The following WASHC5 variants were observed in gnomAD, a reference collection of about 807,000 sequenced individuals.
WASHC5 encodes the protein WASH complex subunit strumpellin.
WASHC5 carries 101 observed loss-of-function variants against 150.4 expected under a neutral mutation model. The ratio of observed to expected loss-of-function variants is 0.67; its 90% CI spans 0.57 to 0.79. The LOEUF is 0.79. WASHC5 is among the 30% of genes least tolerant of loss of function. The pLI, the probability that WASHC5 is intolerant of heterozygous loss-of-function variation, is 0.00. For missense variants in WASHC5, 1,195 were observed against 1,396.3 expected (o/e 0.86, Z 2.30); for synonymous variants, 467 against 491.2 (o/e 0.95, Z 0.65).
chr8:125,057,778 G>GCAACAACCACCAAATCTCATCAATAT (rs3834883), intron 14 of WASHC5, 112 bp from the exon 15 acceptor site: 1 of 749,274 alleles, frequency 1.3e-6, no homozygotes, highest in African/African-American at 1.8e-5. Flanking sequence ...CCAACAGAGG[G>GCAACAACCACCAAATCTCATCAATAT]CATTAATAGT....
chr8:125,045,986 A>T (rs945731117), intron 20 of WASHC5, among the ~76,000 whole-genome samples: 1 of 152,222 alleles, frequency 6.6e-6, no homozygotes, highest in Non-Finnish European at 1.5e-5. Flanking sequence ...CCATGAGTCA[A>T]AATTCCTTAT....
chr8:125,080,666 G>A (rs1035088018), intron 5 of WASHC5, among the ~76,000 whole-genome samples: 1 of 152,126 alleles, frequency 6.6e-6, no homozygotes, highest in Non-Finnish European at 1.5e-5. Flanking sequence ...ACATTGACCT[G>A]GTATTCCATT....
In WASHC5 at chr8:125,083,797, C is replaced by T. The variant is rs771637461; in HGVS notation, c.102G>A (p.Glu34=). 3 of 1,613,734 alleles carry T rather than the reference C, an allele frequency of 1.9e-6. No homozygotes were observed. Among genetic ancestry groups the T allele is most frequent in the Non-Finnish European group, 2.5e-6 (3 of 1,179,798 alleles). Residue 34 remains glutamate (E), a synonymous_variant, in exon 2 of 29, where the codon GAG becomes GAA. Transcript: ENST00000318410. ...TTAACCTGAACACAGCAGGAATAAA[C>T]TCAGAGAGTCTCAAAAGTTCAGCAA... ...AIIAELLRLS[E]FIPAVFRLKD...
chr8:125,067,500 G>T (rs1816777265), intron 10 of WASHC5, 92 bp downstream of exon 10: 3 of 1,085,696 alleles, frequency 2.8e-6, no homozygotes, highest in South Asian at 1.3e-5. Context: ...TTGAATCAGA[G>T]ACAGAGCAAG....
intron 27 of WASHC5, among the ~76,000 whole-genome samples, chr8:125,029,388 C>T (rs778279901): frequency 2.1e-4 from 32 of 152,170 alleles, no homozygotes; most frequent in Non-Finnish European, 4.3e-4. Flanking sequence ...AGCTTGGGTA[C>T]TTCTCCTGTG....
At chr8:125,069,887 C>T (rs1021903472) in intron 9 of WASHC5, among the ~76,000 whole-genome samples, 1 of 152,178 alleles carries the variant, frequency 6.6e-6, no homozygotes, top group African/African-American at 2.4e-5. Context: ...TAGAAATCTC[C>T]TGATTTTAAT....
chr8:125,091,589 G>C (rs1817647723), intron 1 of WASHC5, 26 bp downstream of exon 1: 1 of 152,442 alleles, frequency 6.6e-6, no homozygotes, highest in African/African-American at 2.4e-5. Flanking sequence ...GCAAAAATGG[G>C]GCGCGCTCAC....
intron 5 of WASHC5, 111 bp from the exon 6 acceptor site, chr8:125,079,041 T>C: frequency 1.2e-6 from 1 of 839,966 alleles, no homozygotes; most frequent in Admixed American, 1.9e-5. Flanking sequence ...GTTTCAGATA[T>C]GATCACAGGT....
intron 20 of WASHC5, 26 bp downstream of exon 20, chr8:125,047,181 G>A: frequency 6.2e-7 from 1 of 1,613,534 alleles, no homozygotes; most frequent in Non-Finnish European, 8.5e-7. Context: ...AGTATTCAGG[G>A]CTCTGTAGAA....
chr8:125,065,522 A>G (rs180721124), intron 10 of WASHC5, among the ~76,000 whole-genome samples: 30 of 151,802 alleles, frequency 2.0e-4, no homozygotes, highest in Non-Finnish European at 4.0e-4. Context: ...CCTGATTTCC[A>G]CTCAACAATG....
chr8:125,067,552 A>G (rs769365705), intron 10 of WASHC5, 40 bp downstream of exon 10: 1 of 1,546,888 alleles, frequency 6.5e-7, no homozygotes, highest in Non-Finnish European at 8.9e-7. Flanking sequence ...TAAGCATAAA[A>G]AAGCTAAGAC....
At chr8:125,080,056 G>T (rs372112515) in intron 5 of WASHC5, among the ~76,000 whole-genome samples, 1 of 152,044 alleles carries the variant, frequency 6.6e-6, no homozygotes, top group Non-Finnish European at 1.5e-5. Flanking sequence ...TGATTTTTCC[G>T]GGTGGAATAG....
Position 125,067,679 on chromosome 8 carries a change from G to A in WASHC5, c.1191C>T (p.Asp397=). ...PNNKRLRQIK[D]QILTDSRYNP... is the part of the protein sequence containing the mutation. ...TGTACCGAGAGTCTGTTAGAATCTG[G>A]TCCTTGATTTGACGAAGGCGTTTGT... The change falls in exon 10 of 29, where the codon GAC becomes GAT. Residue 397 remains aspartate (D), a synonymous_variant. Transcript: ENST00000318410. The A allele has an allele frequency of 6.2e-7, 1 of 1,613,866 alleles. No homozygotes were observed. The highest frequency in any genetic ancestry group is 8.5e-7 in the Non-Finnish European group (1 of 1,179,822).
Position 125,044,689 on chromosome 8 carries a change from A to T in WASHC5, c.2514T>A (p.Cys838Ter). 1 of 1,614,030 alleles carries T rather than the reference A, an allele frequency of 6.2e-7. No individual in the cohort carries two copies. Among genetic ancestry groups the T allele is most frequent in the Non-Finnish European group, 8.5e-7 (1 of 1,179,936 alleles). Residue 838 changes from cysteine (C) to a stop codon, truncating the protein, a stop_gained, in exon 21 of 29, where the codon TGT becomes TGA. Coordinates refer to ENST00000318410, the MANE Select transcript of WASHC5 (RefSeq NM_014846.4). LOFTEE classifies it high-confidence loss of function. ...ILRITDPKMTCHIDQLNTWYD... is the reference protein window; with the variant it reads ...ILRITDPKMT ...ACCAAGTGTTCAGCTGGTCTATGTG[A>T]CATGTCATTCTAAAATGAAAACAAT...
At chr8:125,070,799 T>C (rs955622561) in intron 9 of WASHC5, among the ~76,000 whole-genome samples, 3 of 152,164 alleles carry the variant, frequency 2.0e-5, no homozygotes, top group Non-Finnish European at 2.9e-5. Flanking sequence ...TGAAACAAAC[T>C]GGAAAGCAGC....
chr8:125,024,774 TAGA>T (rs1270464884), intron 28 of WASHC5, 101 bp from the exon 29 acceptor site: 9 of 820,144 alleles, frequency 1.1e-5, no homozygotes, highest in African/African-American at 6.8e-5. Context: ...AGGTGAATAA[TAGA>T]AGAGGAGACT....
chr8:125,059,219 T>C lies in WASHC5; in HGVS notation c.1764+3A>G. 2 of 1,609,766 alleles carry C rather than the reference T, an allele frequency of 1.2e-6. No homozygotes were observed. Among genetic ancestry groups the C allele is most frequent in the East Asian group, 2.2e-5 (1 of 44,862 alleles). The stretch of plus-strand genomic sequence containing the variant: ...ACAGAGAATCTCACTGTTTTTTGCT[T>C]ACCTTTAGGAAGGTAGCTCTGAGTT... On this transcript the variant is annotated splice_donor_region_variant and intron_variant, in intron 14 of 28. Coordinates refer to ENST00000318410, the MANE Select transcript of WASHC5 (RefSeq NM_014846.4).
chr8:125,060,943 A>C (rs1816575393), intron 12 of WASHC5, 139 bp downstream of exon 12: 1 of 660,582 alleles, frequency 1.5e-6, no homozygotes, highest in South Asian at 1.5e-5. Context: ...AGTATACGTT[A>C]CAGGAAACAT....
intron 27 of WASHC5, among the ~76,000 whole-genome samples, chr8:125,031,444 T>C (rs1006565997): frequency 1.3e-5 from 2 of 152,054 alleles, no homozygotes; most frequent in Non-Finnish European, 2.9e-5. Context: ...ATGTGGTTAA[T>C]TTTTGTGTTT....
Sources: allele counts gnomAD v4.1 joint callset (sites outside exome capture counted in the v4.1 genomes callset), GRCh38; gene constraint gnomAD v4.1.1; transcripts MANE v1.5; gene names NCBI Gene and HGNC (gene_info 2026-07-23, HGNC 2026-07-21).